ZMIZ1: variants seen among roughly 807,000 people sequenced by gnomAD.
The protein encoded by ZMIZ1 is zinc finger MIZ-type containing 1, also known as zinc finger MIZ domain-containing protein 1.
Under a neutral mutation model 113.9 loss-of-function variants are expected in ZMIZ1, and 17 were observed. That is an observed-to-expected ratio of 0.15 (90% CI 0.10 to 0.22). ZMIZ1 has a LOEUF of 0.22. ZMIZ1 is among the 10% of genes least tolerant of loss of function. The pLI is 1.00. For synonymous variants in ZMIZ1, 607 were observed against 603.1 expected (o/e 1.01, Z -0.09); for missense variants, 1,059 against 1,477.8 (o/e 0.72, Z 4.65).
intron 5 of ZMIZ1, among the ~76,000 whole-genome samples, chr10:79,207,906 G>C (rs764200901): frequency 6.6e-6 from 1 of 151,708 alleles, no homozygotes; most frequent in Non-Finnish European, 1.5e-5. Context: ...ATCAGGGAGG[G>C]AGAACTCCCG....
chr10:79,089,782 A>G (rs868700586), intron 1 of ZMIZ1, among the ~76,000 whole-genome samples: 65 of 149,812 alleles, frequency 4.3e-4, no homozygotes, highest in African/African-American at 1.5e-3. Context: ...CACTCCCCAG[A>G]CCCCCACCCC....
At chr10:79,295,677 C>T (rs949136063) in intron 12 of ZMIZ1, 2 of 152,252 alleles carry the variant, frequency 1.3e-5, no homozygotes, top group Non-Finnish European at 2.9e-5. Context: ...ATCCCTAAGT[C>T]CATCATTCGT....
At position 79,133,065 on chromosome 10, in the gene ZMIZ1, A is replaced by G. The variant is rs529019222; in HGVS notation, c.-226-6617A>G. ...CCACTCCCTTGATTCAGACCTTTCC[A>G]CAGCTTCTAGGATCAAGTCCAAACC... is the stretch of plus-strand genomic sequence containing the variant. On this transcript the variant is annotated intron_variant, in intron 2 of 24. Transcript: ENST00000334512. Among the ~76,000 whole-genome samples the G allele has an allele frequency of 1.6e-4, 24 of 152,262 alleles. No homozygotes were observed. The South Asian group carries it at 2.9e-3, about 18-fold the overall frequency.
intron 10 of ZMIZ1, 42 bp from the exon 11 acceptor site, chr10:79,292,116 A>G (rs777489312): frequency 3.2e-6 from 5 of 1,556,614 alleles, no homozygotes; most frequent in South Asian, 1.1e-5. Context: ...TTCCCCTCAG[A>G]TGCAGGCAGT....
chr10:79,144,610 C>T (rs1286745888), intron 3 of ZMIZ1, among the ~76,000 whole-genome samples: 2 of 152,194 alleles, frequency 1.3e-5, no homozygotes, highest in African/African-American at 4.8e-5. Flanking sequence ...CAGTCTTTGG[C>T]ACCGGCTCCG....
intron 7 of ZMIZ1, among the ~76,000 whole-genome samples, chr10:79,216,811 G>C (rs1848750839): frequency 6.6e-6 from 1 of 152,218 alleles, no homozygotes; most frequent in South Asian, 2.1e-4. Flanking sequence ...GAAACAAAAT[G>C]AATCAGTACA....
At chr10:79,262,043 G>A (rs796703657) in intron 7 of ZMIZ1, among the ~76,000 whole-genome samples, 26 of 152,344 alleles carry the variant, frequency 1.7e-4, no homozygotes, top group African/African-American at 3.6e-4. Flanking sequence ...CAGTATCAGC[G>A]AACGTTTGCC....
At chr10:79,071,940 C>CTT (rs1300592930) in intron 1 of ZMIZ1, among the ~76,000 whole-genome samples, 1 of 115,272 alleles carries the variant, frequency 8.7e-6, no homozygotes, top group Non-Finnish European at 1.6e-5. Context: ...AAAGTTTAGA[C>CTT]TTCTGAGAGT....
At chr10:79,166,021 G>T (rs1846330885) in intron 4 of ZMIZ1, among the ~76,000 whole-genome samples, 1 of 22,322 alleles carries the variant, frequency 4.5e-5, no homozygotes, top group Non-Finnish European at 9.3e-5. Flanking sequence ...CTGCAGGGTG[G>T]GGCAGTGGGT....
At chr10:79,307,647 C>T in intron 23 of ZMIZ1, 76 bp downstream of exon 23, 3 of 1,498,006 alleles carry the variant, frequency 2.0e-6, no homozygotes, top group Non-Finnish European at 1.8e-6. Flanking sequence ...TACCCTGTTC[C>T]CTCCCAGGCA....
intron 7 of ZMIZ1, among the ~76,000 whole-genome samples, chr10:79,258,801 G>C (rs78286722): frequency 6.6e-6 from 1 of 152,310 alleles, no homozygotes; most frequent in Admixed American, 6.5e-5. Context: ...CCCAAGGCCT[G>C]CCCCAGGGCA....
chr10:79,099,634 C>T (rs113530875), intron 1 of ZMIZ1, among the ~76,000 whole-genome samples: 124 of 152,292 alleles, frequency 8.1e-4, no homozygotes, highest in African/African-American at 2.8e-3. Context: ...CTGCTTGGGA[C>T]GTCCCAGTGT....
chr10:79,185,391 C>T (rs1486387148), intron 4 of ZMIZ1, among the ~76,000 whole-genome samples: 2 of 152,230 alleles, frequency 1.3e-5, no homozygotes, highest in Non-Finnish European at 2.9e-5. Context: ...AAACATTCCA[C>T]TGTAGCACAA....
chr10:79,232,333 G>A (rs1849427168), intron 7 of ZMIZ1, among the ~76,000 whole-genome samples: 1 of 152,200 alleles, frequency 6.6e-6, no homozygotes, highest in Non-Finnish European at 1.5e-5. Flanking sequence ...GAGGAAGATG[G>A]CTGGTATGGG....
chr10:79,231,254 G>A (rs1285003691), intron 7 of ZMIZ1, among the ~76,000 whole-genome samples: 1 of 152,204 alleles, frequency 6.6e-6, no homozygotes, highest in Non-Finnish European at 1.5e-5. Flanking sequence ...TATTGTTTTT[G>A]TTTTTGTTTT....
At chr10:79,181,201 GCCCTT>G in intron 4 of ZMIZ1, among the ~76,000 whole-genome samples, 1 of 152,206 alleles carries the variant, frequency 6.6e-6, no homozygotes, top group Middle Eastern at 3.4e-3. Context: ...CCTCCTGATG[GCCCTT>G]CCCAGTGGGA....
intron 7 of ZMIZ1, among the ~76,000 whole-genome samples, chr10:79,221,243 C>T (rs977003315): frequency 1.3e-5 from 2 of 152,064 alleles, no homozygotes; most frequent in Admixed American, 6.5e-5. Context: ...TGCAGGAGCA[C>T]GTGTGTGCAT....
At chr10:79,091,352 C>G (rs1022417381) in intron 1 of ZMIZ1, among the ~76,000 whole-genome samples, 3 of 152,188 alleles carry the variant, frequency 2.0e-5, no homozygotes, top group Non-Finnish European at 4.4e-5. Context: ...TGTCTCTTAT[C>G]CCCTAGCACG....
At chr10:79,167,628 C>T (rs886983426) in intron 4 of ZMIZ1, among the ~76,000 whole-genome samples, 2 of 152,120 alleles carry the variant, frequency 1.3e-5, no homozygotes, top group African/African-American at 2.4e-5. Context: ...CCCCCCACAC[C>T]GCCCACAGTA....
Sources: gnomAD v4.1 joint callset for allele counts (sites outside exome capture counted in the v4.1 genomes callset) on GRCh38, gnomAD v4.1.1 for gene constraint, MANE v1.5 for transcripts, NCBI Gene and HGNC (gene_info 2026-07-23, HGNC 2026-07-21) for gene names.